Variants in PPP1R10 observed in about 807,000 individuals in gnomAD.
PPP1R10 encodes the protein protein phosphatase 1 regulatory subunit 10.
A neutral mutation model predicts 99.0 loss-of-function variants in PPP1R10; 15 were observed. The ratio of observed to expected loss-of-function variants is 0.15; its 90% CI spans 0.10 to 0.23. The LOEUF is 0.23. Ranked by LOEUF, PPP1R10 falls within the 10% of genes least tolerant of loss-of-function variation. PPP1R10 has a pLI of 1.00. For missense variants in PPP1R10, 947 were observed against 1,259.4 expected, an observed-to-expected ratio of 0.75 and a Z score of 3.75; for synonymous variants, 430 against 449.5, an observed-to-expected ratio of 0.96 and a Z score of 0.55.
chr6:30,608,379 A>G (rs57626358), intron 5 of PPP1R10, among the ~76,000 whole-genome samples: 6,653 of 151,324 alleles, frequency 0.044, 271 homozygotes, highest in African/African-American at 0.11. Context: ...TCGGCTCACA[A>G]TAACCTCCAC....
At position 30,601,657 on chromosome 6, in the gene PPP1R10, G is replaced by A; in HGVS notation, c.2715C>T (p.Asp905=). The A allele has an allele frequency of 6.2e-7, 1 of 1,613,742 alleles. No homozygotes were observed. The highest frequency in any genetic ancestry group is 8.5e-7 in the Non-Finnish European group (1 of 1,179,734). ...GHDGGHSHGG[D]MSNRPVCRHF... Reference sequence around the variant, plus strand: ...GTCGGCAGACAGGGCGGTTTGACATGTCTGTGGGAACGATGGCAAAACAGT... The same window carrying A: ...GTCGGCAGACAGGGCGGTTTGACATATCTGTGGGAACGATGGCAAAACAGT... The change falls in exon 20 of 20, where the codon GAC becomes GAT. Residue 905 remains aspartate (D), a splice_region_variant and synonymous_variant. Coordinates refer to ENST00000376511, the MANE Select transcript of PPP1R10 (RefSeq NM_002714.4).
At position 30,603,592 on chromosome 6, in the gene PPP1R10, T is replaced by G. The variant is rs1381241739; in HGVS notation, c.1647A>C (p.Ala549=). The change falls in exon 16 of 20, where the codon GCA becomes GCC. Residue 549 remains alanine, a synonymous_variant. Transcript: ENST00000376511. ...GAACTGGAGGCAACTTGGAGCCTCC[T>G]GCCCCATCAGGTGAGCCACCTGACC... is the stretch of plus-strand genomic sequence containing the variant. The part of the protein sequence containing the change: ...PGGSGGSPDG[A]GGSKLPPVLA... The G allele has an allele frequency of 1.2e-6, 2 of 1,614,058 alleles. No homozygotes were observed. Among genetic ancestry groups the G allele is most frequent in the Non-Finnish European group, 1.7e-6 (2 of 1,179,988 alleles).
At chr6:30,612,204 A>G (rs1180179121) in intron 2 of PPP1R10, among the ~76,000 whole-genome samples, 1 of 152,224 alleles carries the variant, frequency 6.6e-6, no homozygotes, top group Non-Finnish European at 1.5e-5. Context: ...CATCATTTCA[A>G]ACCAGTTACC....
Position 30,604,662 on chromosome 6 carries a change from G to A in PPP1R10, c.1028C>T (p.Pro343Leu). ...AKPSSPEPAP[P>L]SEAMDADRPG... ...ACGGTCTGCGTCCATTGCCTCAGAA[G>A]GTGGTGCTGGTTCTGGGGAAGAAGG... The change falls in exon 12 of 20, where the codon CCT becomes CTT. Residue 343 changes from proline to leucine, a missense_variant. Transcript: ENST00000376511. This position sits in a 1 kb window ranked among gnomAD's most constrained non-coding sequence, Gnocchi z 7.3. 6.2e-7 allele frequency: 1 copy of A among 1,613,136 alleles called. No individual in the cohort carries two copies. Among genetic ancestry groups the A allele is most frequent in the Non-Finnish European group, 8.5e-7 (1 of 1,180,038 alleles).
chr6:30,613,860 A>G (rs878884347), intron 2 of PPP1R10, among the ~76,000 whole-genome samples: 1 of 151,800 alleles, frequency 6.6e-6, no homozygotes, highest in Non-Finnish European at 1.5e-5. Flanking sequence ...AAACTGCTTA[A>G]AAGAAAAAAA....
At chr6:30,615,302 G>A (rs1423108890) in intron 2 of PPP1R10, among the ~76,000 whole-genome samples, 3 of 149,534 alleles carry the variant, frequency 2.0e-5, no homozygotes, top group Non-Finnish European at 3.0e-5. Context: ...TGATCAGTAA[G>A]AGCGTAGTGA....
chr6:30,615,936 T>A (rs1390593501), intron 2 of PPP1R10, among the ~76,000 whole-genome samples: 10 of 152,188 alleles, frequency 6.6e-5, no homozygotes. Flanking sequence ...AACAGTCATT[T>A]AAAAAGTTAT....
At chr6:30,616,067 C>A (rs922616565) in intron 2 of PPP1R10, among the ~76,000 whole-genome samples, 3 of 152,212 alleles carry the variant, frequency 2.0e-5, no homozygotes, top group African/African-American at 7.2e-5. Context: ...AGTGGTACTT[C>A]TGGGCCACAA....
At chr6:30,614,114 T>A (rs1804836186) in intron 2 of PPP1R10, among the ~76,000 whole-genome samples, 1 of 152,098 alleles carries the variant, frequency 6.6e-6, no homozygotes, top group Non-Finnish European at 1.5e-5. Flanking sequence ...TTGAAAAATT[T>A]GGGGGAAGAA....
chr6:30,615,818 A>G (rs114648562), intron 2 of PPP1R10, among the ~76,000 whole-genome samples: 136 of 152,322 alleles, frequency 8.9e-4, no homozygotes, highest in Middle Eastern at 3.4e-3. Flanking sequence ...TACTGGCACT[A>G]AGATTATATT....
At position 30,601,210 on chromosome 6, in the gene PPP1R10, G is replaced by C. The variant is rs1398686907; in HGVS notation, c.*339C>G. On this transcript the variant is annotated 3_prime_UTR_variant, in exon 20 of 20. Coordinates refer to ENST00000376511, the MANE Select transcript of PPP1R10 (RefSeq NM_002714.4). ...AATAGAAGGGTAGGGGTGTTCGCCA[G>C]GATAACCAGCTTTAGGTTCTCAAGC... 1 of 302,330 alleles carries C rather than the reference G, an allele frequency of 3.3e-6. No individual in the cohort carries two copies. Among genetic ancestry groups the C allele is most frequent in the African/African-American group, 2.1e-5 (1 of 46,952 alleles). The allele number at this position is 302,330 out of a possible 1,614,324, so 18.7% of individuals were successfully genotyped here.
chr6:30,617,011 G>C lies in PPP1R10; in HGVS notation c.-532-13C>G, dbSNP rs1203653840. 6.6e-6 allele frequency: 1 copy of C among 152,136 alleles called. No individual in the cohort carries two copies. Among genetic ancestry groups the C allele is most frequent in the Non-Finnish European group, 1.5e-5 (1 of 68,054 alleles). 9.4% of individuals were successfully genotyped at this position (152,136 alleles called of 1,614,324 possible). ...AGAAAATTCAAACCTGGGATAAAAG[G>C]AACACAAGGGAGAAAGATGTAATCA... On this transcript the variant is annotated splice_polypyrimidine_tract_variant and intron_variant, in intron 1 of 19. Transcript: ENST00000376511.
rs1288075760 is a variant in PPP1R10, at chr6:30,606,902, A to G, written c.383-46T>C. The G allele has an allele frequency of 6.6e-7, 1 of 1,513,344 alleles. No individual in the cohort carries two copies. Among genetic ancestry groups the G allele is most frequent in the Middle Eastern group, 1.7e-4 (1 of 5,878 alleles). The allele number at this position is 1,513,344 out of a possible 1,614,324, so 93.7% of individuals were successfully genotyped here. A position where few individuals can be genotyped will look rare whatever the true frequency, so the allele number is the denominator to read the frequency against. Reference sequence around the variant, plus strand: ...AAATGCCTAAATAATGTAAAGTAACATTCTTCCAGGAACAGAAAATGGGAG... The same window carrying G: ...AAATGCCTAAATAATGTAAAGTAACGTTCTTCCAGGAACAGAAAATGGGAG... On this transcript the variant is annotated intron_variant, in intron 6 of 19. Transcript: ENST00000376511. The surrounding 1 kb of genome is among the most constrained non-coding windows in gnomAD (Gnocchi z 6.3).
At position 30,601,978 on chromosome 6, in the gene PPP1R10, C is replaced by CT. The variant is rs1363959427; in HGVS notation, c.2670dup (p.Gly891ArgfsTer34). On this transcript the variant is annotated frameshift_variant, in exon 19 of 20. Transcript: ENST00000376511. LOFTEE classifies it high-confidence loss of function. ...CCTCCATCGTGCCCTCGGTGGCCCC[C>CT]TCCCCCGTGGCCAGGACCATCATGG... is the stretch of plus-strand genomic sequence containing the variant. 1 of 1,512,464 alleles carries CT rather than the reference C, an allele frequency of 6.6e-7. No homozygotes were observed. The highest frequency in any genetic ancestry group is 8.8e-7 in the Non-Finnish European group (1 of 1,131,442). 93.7% of individuals were successfully genotyped at this position (1,512,464 alleles called of 1,614,324 possible).
At chr6:30,608,202 C>T (rs544234461) in intron 5 of PPP1R10, among the ~76,000 whole-genome samples, 18 of 151,954 alleles carry the variant, frequency 1.2e-4, no homozygotes, top group Admixed American at 3.3e-4. Flanking sequence ...TTTTTGCCCA[C>T]GCTGGTCTTG....
At position 30,602,894 on chromosome 6, in the gene PPP1R10, G is replaced by A. The variant is rs901320792; in HGVS notation, c.1909C>T (p.Pro637Ser). The A allele has an allele frequency of 5.1e-6, 8 of 1,556,394 alleles. No individual in the cohort carries two copies. In the African/African-American group the frequency reaches 9.6e-5, roughly 19 times the overall value. The change falls in exon 18 of 20, where the codon CCC becomes TCC. Residue 637 changes from proline (P) to serine (S), a missense_variant. Transcript: ENST00000376511. This position sits in a 1 kb window ranked among gnomAD's most constrained non-coding sequence, Gnocchi z 6.7. ...NGFPPGGPGG[P>S]KGMQHFPPGP... The stretch of plus-strand genomic sequence containing the variant: ...GGGGGAAAGTGCTGCATGCCCTTGG[G>A]GCCCCCAGGACCCCCTGGTGGGAAA...
intron 5 of PPP1R10, among the ~76,000 whole-genome samples, chr6:30,608,468 AT>A (rs1207278752): frequency 2.0e-5 from 3 of 151,818 alleles, no homozygotes; most frequent in Non-Finnish European, 4.4e-5. Flanking sequence ...TGCCTGGCTA[AT>A]TTTTTGTATT....
intron 2 of PPP1R10, among the ~76,000 whole-genome samples, chr6:30,611,544 A>C (rs1804558514): frequency 1.3e-5 from 2 of 152,360 alleles, no homozygotes; most frequent in Middle Eastern, 3.4e-3. Flanking sequence ...AAGACAATGC[A>C]AATTAGTTCT....
In PPP1R10 at chr6:30,609,683, A is replaced by C. The variant is rs1412479481; in HGVS notation, c.107+155T>G. On this transcript the variant is annotated intron_variant, in intron 3 of 19. Transcript: ENST00000376511. This position sits in a 1 kb window ranked among gnomAD's most constrained non-coding sequence, Gnocchi z 4.5. Reference sequence around the variant, plus strand: ...CAGAAACAAGTGATCATCTTTTCCTATCCCTTATCCTAAAATTGTTACATT... The same window carrying C: ...CAGAAACAAGTGATCATCTTTTCCTCTCCCTTATCCTAAAATTGTTACATT... 6.6e-6 allele frequency among the ~76,000 whole-genome samples: 1 copy of C among 152,144 alleles called. No homozygotes were observed. Among genetic ancestry groups the C allele is most frequent in the Non-Finnish European group, 1.5e-5 (1 of 68,022 alleles).
Sources: gnomAD v4.1 joint callset for allele counts (sites outside exome capture counted in the v4.1 genomes callset) on GRCh38, gnomAD v4.1.1 for gene constraint, Gnocchi (gnomAD v3.1) non-coding constraint, MANE v1.5 for transcripts, NCBI Gene and HGNC (gene_info 2026-07-23, HGNC 2026-07-21) for gene names.